RIGI: variants seen among roughly 807,000 people sequenced by gnomAD.
RIGI encodes the protein RNA sensor RIG-I, also known as antiviral innate immune response receptor RIG-I.
chr9:32,491,510 G>A, the RIGI span: 1 of 1,004,372 alleles, frequency 1.0e-6, no homozygotes, highest in East Asian at 2.7e-5. Flanking sequence ...ATAACACTAA[G>A]ATTTTTAACT....
the RIGI span, among the ~76,000 whole-genome samples, chr9:32,482,551 A>G: frequency 6.6e-6 from 1 of 152,090 alleles, no homozygotes; most frequent in Non-Finnish European, 1.5e-5. Flanking sequence ...GAGCTTCATC[A>G]GAGGAGGATA....
At chr9:32,522,027 G>A in the RIGI span, among the ~76,000 whole-genome samples, 119 of 152,244 alleles carry the variant, frequency 7.8e-4, 1 homozygote, top group African/African-American at 2.8e-3. Flanking sequence ...TGATAACTTT[G>A]GAGACTGTGC....
chr9:32,474,923 C>T, the RIGI span, among the ~76,000 whole-genome samples: 1 of 151,528 alleles, frequency 6.6e-6, no homozygotes, highest in South Asian at 2.1e-4. Flanking sequence ...AGATGTCATT[C>T]CTCCCCAATT....
At chr9:32,521,342 G>T in the RIGI span, among the ~76,000 whole-genome samples, 4 of 152,108 alleles carry the variant, frequency 2.6e-5, no homozygotes, top group East Asian at 3.9e-4. Context: ...GTGAACTGTG[G>T]GGGGAAGAAA....
the RIGI span, chr9:32,488,590 G>A: frequency 3.5e-6 from 3 of 850,216 alleles, no homozygotes; most frequent in Admixed American, 7.4e-5. Flanking sequence ...AAAAAGACTT[G>A]AATCCATGAA....
the RIGI span, among the ~76,000 whole-genome samples, chr9:32,478,042 T>C: frequency 2.8e-5 from 4 of 145,170 alleles, no homozygotes; most frequent in Non-Finnish European, 5.9e-5. Context: ...GTTTTATCGG[T>C]TTTTGTTTTT....
chr9:32,466,489 G>A, the RIGI span: 1 of 1,493,332 alleles, frequency 6.7e-7, no homozygotes, highest in Non-Finnish European at 9.0e-7. Context: ...TTAAAGCTCT[G>A]ATATAATCTG....
the RIGI span, among the ~76,000 whole-genome samples, chr9:32,512,149 G>T: frequency 6.6e-6 from 1 of 152,158 alleles, no homozygotes; most frequent in African/African-American, 2.4e-5. Flanking sequence ...ACAAAGAGGA[G>T]CTTATACCAT....
the RIGI span, among the ~76,000 whole-genome samples, chr9:32,478,984 T>C: frequency 6.6e-6 from 1 of 152,238 alleles, no homozygotes; most frequent in African/African-American, 2.4e-5. Flanking sequence ...GAAAAACTAT[T>C]ATACAGTTCA....
the RIGI span, among the ~76,000 whole-genome samples, chr9:32,472,046 G>T: frequency 1.3e-5 from 2 of 152,128 alleles, no homozygotes; most frequent in Non-Finnish European, 2.9e-5. Flanking sequence ...GAGGTGGTCA[G>T]GATGAGGGCG....
At chr9:32,500,747 G>A in the RIGI span, 73 of 1,573,760 alleles carry the variant, frequency 4.6e-5, no homozygotes, top group Non-Finnish European at 6.2e-5. Flanking sequence ...CACTTTTACA[G>A]TATTGTCAAG....
chr9:32,492,528 G>A, the RIGI span: 1 of 1,614,016 alleles, frequency 6.2e-7, no homozygotes, highest in African/African-American at 1.3e-5. Flanking sequence ...CATCCCCTTA[G>A]TAGAGCAAAT....
chr9:32,492,275 G>T, the RIGI span: 1 of 1,120,906 alleles, frequency 8.9e-7, no homozygotes, highest in Non-Finnish European at 1.3e-6. Flanking sequence ...TGCTGGTCTC[G>T]CGTTAGAGAT....
the RIGI span, chr9:32,487,380 G>A: frequency 6.3e-5 from 79 of 1,250,044 alleles, no homozygotes; most frequent in Admixed American, 1.1e-4. Flanking sequence ...ACAGAGAGAG[G>A]GTCAAAGTTC....
chr9:32,510,386 T>A, the RIGI span, among the ~76,000 whole-genome samples: 410 of 152,248 alleles, frequency 2.7e-3, 3 homozygotes, highest in African/African-American at 9.7e-3. Flanking sequence ...TAACAGCAGA[T>A]CTCTCTGTAG....
the RIGI span, among the ~76,000 whole-genome samples, chr9:32,507,427 C>G: frequency 0.041 from 6,181 of 152,080 alleles, 319 homozygotes; most frequent in East Asian, 0.13. Flanking sequence ...ATTTATCTGA[C>G]TTAGCAGTAC....
chr9:32,518,678 A>G, the RIGI span, among the ~76,000 whole-genome samples: 1 of 152,238 alleles, frequency 6.6e-6, no homozygotes, highest in African/African-American at 2.4e-5. Flanking sequence ...CAGTTTGGCA[A>G]TCCTTTCTTA....
the RIGI span, among the ~76,000 whole-genome samples, chr9:32,499,508 T>C: frequency 1.1e-3 from 168 of 152,184 alleles, no homozygotes; most frequent in African/African-American, 3.9e-3. Flanking sequence ...CAAGCTGGAG[T>C]GCAATGGCGC....
chr9:32,502,034 C>T, the RIGI span, among the ~76,000 whole-genome samples: 1 of 152,180 alleles, frequency 6.6e-6, no homozygotes, highest in Non-Finnish European at 1.5e-5. Context: ...TCTCCCTCTC[C>T]TTAGCCCCAG....
Sources: gnomAD v4.1 joint callset for allele counts (sites outside exome capture counted in the v4.1 genomes callset) on GRCh38, gnomAD v4.1.1 for gene constraint, MANE v1.5 for transcripts, NCBI Gene and HGNC (gene_info 2026-07-23, HGNC 2026-07-21) for gene names.